The following ZNF486 variants were observed in gnomAD, a reference collection of about 807,000 sequenced individuals.
ZNF486 encodes zinc finger protein 486.
ZNF486 carries 12 observed loss-of-function variants against 12.8 expected under a neutral mutation model. The ratio of observed to expected loss-of-function variants is 0.94; its 90% confidence interval spans 0.60 to 1.52. The LOEUF (loss-of-function observed/expected upper bound fraction) is 1.52, where lower values mean the gene tolerates loss of function less well. ZNF486 is among the 40% of genes most tolerant of loss of function. The pLI, the probability that ZNF486 is intolerant of heterozygous loss-of-function variation, is 0.00. For missense variants in ZNF486, 738 were observed against 545.0 expected (o/e 1.35, Z -3.53); for synonymous variants, 231 against 184.9 (o/e 1.25, Z -2.02).
chr19:20,172,678 C>CTCACTCT (rs1568316374), intron 1 of ZNF486, among the ~76,000 whole-genome samples: 46 of 146,444 alleles, frequency 3.1e-4, no homozygotes, highest in African/African-American at 1.2e-3. Context: ...GAGATGGAGT[C>CTCACTCT]GCTTAGACTG....
intron 3 of ZNF486, among the ~76,000 whole-genome samples, chr19:20,187,624 C>T (rs1555716701): frequency 1.3e-5 from 2 of 151,578 alleles, no homozygotes; most frequent in African/African-American, 2.4e-5. Context: ...GCCTCAGCCT[C>T]CCGAGTAGCT....
intron 1 of ZNF486, among the ~76,000 whole-genome samples, chr19:20,171,347 T>C (rs2089645734): frequency 6.6e-6 from 1 of 152,162 alleles, no homozygotes; most frequent in Admixed American, 6.5e-5. Flanking sequence ...ATTGCAGCTA[T>C]CACCACGGTG....
At chr19:20,193,998 A>T (rs1236984525) in intron 3 of ZNF486, among the ~76,000 whole-genome samples, 3 of 152,148 alleles carry the variant, frequency 2.0e-5, no homozygotes, top group Non-Finnish European at 4.4e-5. Flanking sequence ...ATTTGCCTTC[A>T]ACTTTGTTAC....
chr19:20,198,046 T>C lies in ZNF486; in HGVS notation c.1336T>C (p.Ser446Pro). The C allele has an allele frequency of 6.2e-7, 1 of 1,611,612 alleles. No homozygotes were observed. Among genetic ancestry groups the C allele is most frequent in the South Asian group, 1.1e-5 (1 of 90,836 alleles). ...CKECGKAFNWSSDLNKHKRIH... is the reference protein window; with the variant it reads ...CKECGKAFNWPSDLNKHKRIH... ...AGAATGTGGCAAAGCTTTTAACTGGTCCTCAGACCTTAATAAACATAAGAG... is the reference window on the plus strand; with the variant it reads ...AGAATGTGGCAAAGCTTTTAACTGGCCCTCAGACCTTAATAAACATAAGAG... The change falls in exon 4 of 4, where the codon TCC becomes CCC. Residue 446 changes from serine (S) to proline (P), a missense_variant. Physicochemically the swap from Ser to Pro is moderately conservative, Grantham distance 74. Transcript: ENST00000335117.
intron 1 of ZNF486, among the ~76,000 whole-genome samples, chr19:20,173,501 A>G (rs1287575110): frequency 6.6e-6 from 1 of 151,998 alleles, no homozygotes; most frequent in Non-Finnish European, 1.5e-5. Flanking sequence ...CAGTATGCAA[A>G]ACTCAGGTGT....
At chr19:20,183,122 T>G (rs1376206163) in intron 1 of ZNF486, among the ~76,000 whole-genome samples, 3 of 152,180 alleles carry the variant, frequency 2.0e-5, no homozygotes, top group Non-Finnish European at 4.4e-5. Context: ...CTCTGCATTC[T>G]CTATGTCATA....
Position 20,175,331 on chromosome 19 carries a change from ATTT to A in ZNF486, c.30+7988_30+7990del, listed in dbSNP as rs782300626. The A allele has an allele frequency of 5.8e-5, 7 of 119,886 alleles. 1 individual carries two copies. The highest frequency in any genetic ancestry group is 2.8e-4 in the East Asian group (1 of 3,588). 7.4% of individuals were successfully genotyped at this position (119,886 alleles called of 1,614,324 possible). On this transcript the variant is annotated intron_variant, in intron 1 of 3. Coordinates refer to ENST00000335117, the MANE Select transcript of ZNF486 (RefSeq NM_052852.4). Reference sequence around the variant, plus strand: ...GGTGTCTGTTTCAGAAGCCCTATTAATTTTTTTTTTTTTTTTTTTATTGATCAT... The same window carrying A: ...GGTGTCTGTTTCAGAAGCCCTATTAATTTTTTTTTTTTTTTTATTGATCAT...
At chr19:20,184,683 T>C (rs1361847848) in intron 2 of ZNF486, among the ~76,000 whole-genome samples, 1 of 152,224 alleles carries the variant, frequency 6.6e-6, no homozygotes, top group Non-Finnish European at 1.5e-5. Context: ...CATTGCTGAG[T>C]TGAGCTTTAT....
At chr19:20,179,481 CT>C (rs1226131816) in intron 1 of ZNF486, among the ~76,000 whole-genome samples, 1 of 151,772 alleles carries the variant, frequency 6.6e-6, no homozygotes, top group African/African-American at 2.4e-5. Context: ...GTTATGTCAC[CT>C]TTTTTTTAAA....
rs782794792 is a variant in ZNF486, at chr19:20,197,262, T to C, written c.552T>C (p.Tyr184=). Residue 184 remains tyrosine (Y), a synonymous_variant, in exon 4 of 4, where the codon TAT becomes TAC. Transcript: ENST00000335117. ...RRHTEKKPLK[Y]IEGDKAFNQS... Reference sequence around the variant, plus strand: ...ATACTGAAAAAAAACCTTTGAAATATATAGAAGGTGACAAAGCTTTTAACC... The same window carrying C: ...ATACTGAAAAAAAACCTTTGAAATACATAGAAGGTGACAAAGCTTTTAACC... 41 of 1,611,194 alleles carry C rather than the reference T, an allele frequency of 2.5e-5. No individual in the cohort carries two copies. The highest frequency in any genetic ancestry group is 3.5e-5 in the Non-Finnish European group (41 of 1,179,330).
At chr19:20,177,465 G>A (rs2089732569) in intron 1 of ZNF486, among the ~76,000 whole-genome samples, 1 of 152,226 alleles carries the variant, frequency 6.6e-6, no homozygotes, top group Non-Finnish European at 1.5e-5. Context: ...GTATGACATG[G>A]TGCTTTAAAT....
At position 20,174,583 on chromosome 19, in the gene ZNF486, GTCACCATGT is replaced by G. The variant is rs369351157; in HGVS notation, c.30+7226_30+7234del. 4.5e-3 allele frequency among the ~76,000 whole-genome samples: 684 copies of G among 152,018 alleles called. 6 individuals carry two copies. Among genetic ancestry groups the G allele is most frequent in the African/African-American group, 0.016 (649 of 41,482 alleles). The stretch of plus-strand genomic sequence containing the variant: ...TTTTGTATTTATAGTAGAGATGGTT[GTCACCATGT>G]TCGCCAGTTTGATCTTGAACTTTTC... On this transcript the variant is annotated intron_variant, in intron 1 of 3. Transcript: ENST00000335117.
At chr19:20,181,503 C>T (rs559398565) in intron 1 of ZNF486, among the ~76,000 whole-genome samples, 1 of 148,940 alleles carries the variant, frequency 6.7e-6, no homozygotes, top group Admixed American at 6.7e-5. Flanking sequence ...CGCGCCACTG[C>T]ACTCCAGCCT....
chr19:20,200,232 GAT>G lies in ZNF486; in HGVS notation c.*2132_*2133del, dbSNP rs1302448768. The G allele has an allele frequency of 4.6e-5, 7 of 152,072 alleles. No individual in the cohort carries two copies. Among genetic ancestry groups the G allele is most frequent in the Non-Finnish European group, 1.0e-4 (7 of 68,022 alleles). 9.4% of individuals were successfully genotyped at this position (152,072 alleles called of 1,614,324 possible). On this transcript the variant is annotated 3_prime_UTR_variant, in exon 4 of 4. Coordinates refer to ENST00000335117, the MANE Select transcript of ZNF486 (RefSeq NM_052852.4). ...TTTTTGCTGCATCAGAGATATTAGA[GAT>G]AGTTTTTTATTAATTGGGCATTTAT... is the stretch of plus-strand genomic sequence containing the variant.
chr19:20,174,862 CT>C (rs1249248679), intron 1 of ZNF486, among the ~76,000 whole-genome samples: 2 of 152,090 alleles, frequency 1.3e-5, no homozygotes, highest in African/African-American at 4.8e-5. Flanking sequence ...ATTTTAGTGT[CT>C]TTTATTTCAT....
intron 3 of ZNF486, among the ~76,000 whole-genome samples, chr19:20,191,186 AC>A (rs1555717131): frequency 6.6e-6 from 1 of 152,150 alleles, no homozygotes; most frequent in Non-Finnish European, 1.5e-5. Flanking sequence ...AAAATTATGC[AC>A]TTGGCTGGGC....
At position 20,199,812 on chromosome 19, in the gene ZNF486, A is replaced by G. The variant is rs2089996560; in HGVS notation, c.*1710A>G. On this transcript the variant is annotated 3_prime_UTR_variant, in exon 4 of 4. Coordinates refer to ENST00000335117, the MANE Select transcript of ZNF486 (RefSeq NM_052852.4). The stretch of plus-strand genomic sequence containing the variant: ...TTGTTCCAGCTGCGTGTGGTGGCTC[A>G]TGCCTGTAATCCCAACACTTTGGGA... The G allele has an allele frequency of 5.3e-5, 8 of 152,212 alleles. No homozygotes were observed. The highest frequency in any genetic ancestry group is 4.6e-4 in the Admixed American group (7 of 15,264). The allele number at this position is 152,212 out of a possible 1,614,324, so 9.4% of individuals were successfully genotyped here.
intron 3 of ZNF486, among the ~76,000 whole-genome samples, chr19:20,192,404 C>G (rs1555717318): frequency 1.3e-5 from 2 of 151,948 alleles, no homozygotes; most frequent in African/African-American, 4.9e-5. Context: ...CTCCCAAGTT[C>G]AAGTGATTCT....
At position 20,167,314 on chromosome 19, in the gene ZNF486, G is replaced by A; in HGVS notation, c.-17G>A. 6.2e-7 allele frequency: 1 copy of A among 1,614,062 alleles called. No homozygotes were observed. Among genetic ancestry groups the A allele is most frequent in the South Asian group, 1.1e-5 (1 of 91,062 alleles). On this transcript the variant is annotated 5_prime_UTR_variant, in exon 1 of 4. Coordinates refer to ENST00000335117, the MANE Select transcript of ZNF486 (RefSeq NM_052852.4). ...GTGGCCCTGTGTCCTGTAGGTATTG[G>A]GAGATCCACAGCCAAGATGCCGGGA...
Sources: gnomAD v4.1 joint callset for allele counts (sites outside exome capture counted in the v4.1 genomes callset) on GRCh38, gnomAD v4.1.1 for gene constraint, MANE v1.5 for transcripts, NCBI Gene and HGNC (gene_info 2026-07-23, HGNC 2026-07-21) for gene names.